Variants in RSPH3 observed in about 807,000 individuals in gnomAD.
RSPH3 encodes the protein radial spoke head protein 3 homolog.
In RSPH3, 21 loss-of-function variants were observed where a neutral mutation model predicts 43.8. That is an observed-to-expected ratio of 0.48 (90% CI 0.34 to 0.69). RSPH3 has a LOEUF of 0.69. Among genes scored for constraint, RSPH3 ranks in the 30% least tolerant of loss-of-function variants. The pLI is 0.01. For synonymous variants in RSPH3, 173 were observed against 179.8 expected, an observed-to-expected ratio of 0.96 and a Z score of 0.30; for missense variants, 487 against 516.0, an observed-to-expected ratio of 0.94 and a Z score of 0.54.
chr6:158,971,659 C>A (rs1777695312), downstream of RSPH3, among the ~76,000 whole-genome samples: 2 of 152,156 alleles, frequency 1.3e-5, no homozygotes, highest in Admixed American at 1.3e-4. Flanking sequence ...AATGAAATAG[C>A]CTAGTTGGTT....
chr6:158,985,787 A>G (rs1778211306), intron 3 of RSPH3, among the ~76,000 whole-genome samples: 2 of 149,848 alleles, frequency 1.3e-5, no homozygotes, highest in East Asian at 2.0e-4. Context: ...AATAGTATAT[A>G]GTCTATGTAT....
At chr6:158,965,370 G>C in the RSPH3 span, among the ~76,000 whole-genome samples, 1 of 152,022 alleles carries the variant, frequency 6.6e-6, no homozygotes, top group Non-Finnish European at 1.5e-5. Flanking sequence ...GATCACTCTG[G>C]GGAGTCCTGC....
At chr6:158,992,153 C>T (rs12202116) in intron 2 of RSPH3, among the ~76,000 whole-genome samples, 19,876 of 149,696 alleles carry the variant, frequency 0.13, 2,013 homozygotes, top group East Asian at 0.42. Context: ...TTCTCTCTAA[C>T]GTGGATTTGA....
At chr6:158,993,733 T>C in intron 2 of RSPH3, 106 bp downstream of exon 2, 1 of 605,178 alleles carries the variant, frequency 1.7e-6, no homozygotes, top group Non-Finnish European at 2.9e-6. Flanking sequence ...ATCTTTATTT[T>C]ATGAATGTTT....
chr6:158,991,757 C>T (rs1426737728), intron 2 of RSPH3, among the ~76,000 whole-genome samples: 2 of 152,278 alleles, frequency 1.3e-5, no homozygotes, highest in Non-Finnish European at 1.5e-5. Flanking sequence ...CCTGGAGGTT[C>T]TAATGCAGGA....
chr6:158,997,602 CTT>C (rs1778638666), intron 1 of RSPH3, among the ~76,000 whole-genome samples: 1 of 152,024 alleles, frequency 6.6e-6, no homozygotes, highest in African/African-American at 2.4e-5. Context: ...ATTTTTCTGT[CTT>C]GTGCATTACT....
chr6:158,978,401 T>C, intron 6 of RSPH3, 55 bp from the exon 7 acceptor site: 1 of 865,082 alleles, frequency 1.2e-6, no homozygotes, highest in South Asian at 1.4e-5. Flanking sequence ...TAATGCGCTT[T>C]TCTCTTAATG....
At chr6:158,986,096 G>T (rs79827641) in intron 3 of RSPH3, among the ~76,000 whole-genome samples, 184 bp downstream of exon 3, 2,712 of 152,236 alleles carry the variant, frequency 0.018, 34 homozygotes, top group Middle Eastern at 0.024. Flanking sequence ...GATTACAGGC[G>T]TGAGCCAGCA....
At chr6:158,999,284 G>GTTCTGCT (rs1221211205) in intron 1 of RSPH3, 151 bp downstream of exon 1, 1 of 657,224 alleles carries the variant, frequency 1.5e-6, no homozygotes, top group Admixed American at 3.7e-5. Context: ...CCACACCACG[G>GTTCTGCT]GAGATTCCTT....
At position 158,989,684 on chromosome 6, in the gene RSPH3, A is replaced by G. The variant is rs1583718154; in HGVS notation, c.205-3263T>C. On this transcript the variant is annotated intron_variant, in intron 2 of 7. Transcript: ENST00000367069. The surrounding 1 kb of genome is among the most constrained non-coding windows in gnomAD (Gnocchi z 4.3). Reference sequence around the variant, plus strand: ...GGGGTATTTCTCTCTTCAGGAACTCATGATGCTTCTGGTGGGTTGAATTTC... The same window carrying G: ...GGGGTATTTCTCTCTTCAGGAACTCGTGATGCTTCTGGTGGGTTGAATTTC... 6.6e-6 allele frequency among the ~76,000 whole-genome samples: 1 copy of G among 152,140 alleles called. No homozygotes were observed. The highest frequency in any genetic ancestry group is 1.5e-5 in the Non-Finnish European group (1 of 68,030).
At chr6:158,986,165 G>T in intron 3 of RSPH3, 115 bp downstream of exon 3, 1 of 971,330 alleles carries the variant, frequency 1.0e-6, no homozygotes, top group Non-Finnish European at 1.5e-6. Context: ...TGTGATCGGG[G>T]AAGTATCAGA....
At chr6:158,985,815 T>C in intron 3 of RSPH3, among the ~76,000 whole-genome samples, 1 of 133,066 alleles carries the variant, frequency 7.5e-6, no homozygotes, top group Admixed American at 7.3e-5. Flanking sequence ...TCTCTCTCTC[T>C]CTTTTTTTTT....
chr6:158,981,006 G>T, intron 5 of RSPH3, 70 bp from the exon 6 acceptor site: 1 of 1,473,866 alleles, frequency 6.8e-7, no homozygotes, highest in East Asian at 2.3e-5. Context: ...AGTGAAGTTA[G>T]TAAGTACAAG....
rs1411376316 is a variant in RSPH3, at chr6:158,992,981, A to AAGTG, written c.204+854_204+857dup. Among the ~76,000 whole-genome samples, 14 of 152,350 alleles carry AAGTG rather than the reference A, an allele frequency of 9.2e-5. No individual in the cohort carries two copies. In the East Asian group the frequency reaches 2.3e-3, roughly 25 times the overall value. ...CTAAACAAATCTAGATGCAATAGACAAGTGCCACTCAAAATGTGGGCCTCT... is the reference window on the plus strand; with the variant it reads ...CTAAACAAATCTAGATGCAATAGACAAGTGAGTGCCACTCAAAATGTGGGCCTCT... On this transcript the variant is annotated intron_variant, in intron 2 of 7. Coordinates refer to ENST00000367069, the MANE Select transcript of RSPH3 (RefSeq NM_031924.8).
At chr6:158,984,434 T>A (rs867088426) in intron 3 of RSPH3, among the ~76,000 whole-genome samples, 33 of 63,642 alleles carry the variant, frequency 5.2e-4, no homozygotes, top group African/African-American at 2.6e-3. Context: ...AAAAAGTCAA[T>A]TATATATATA....
chr6:158,963,569 C>A, the RSPH3 span, among the ~76,000 whole-genome samples: 1 of 126,344 alleles, frequency 7.9e-6, no homozygotes, highest in African/African-American at 2.9e-5. Context: ...TTCTTTCTTT[C>A]TTTTTCCCTT....
intron 2 of RSPH3, among the ~76,000 whole-genome samples, chr6:158,987,636 T>C (rs986969229): frequency 2.0e-5 from 3 of 152,306 alleles, no homozygotes; most frequent in South Asian, 2.1e-4. Context: ...GATTTTTGCA[T>C]TGTGGTTACC....
chr6:158,984,540 A>G (rs993969443), intron 3 of RSPH3, among the ~76,000 whole-genome samples: 1 of 148,362 alleles, frequency 6.7e-6, no homozygotes, highest in East Asian at 2.0e-4. Context: ...AAAATCATGT[A>G]CCAAGTCACC....
intron 3 of RSPH3, among the ~76,000 whole-genome samples, chr6:158,986,015 C>T (rs1368928682): frequency 6.6e-6 from 1 of 151,830 alleles, no homozygotes; most frequent in Non-Finnish European, 1.5e-5. Flanking sequence ...GGTATTTCAC[C>T]ACATTGGCCA....
Sources: gnomAD v4.1 joint callset for allele counts (sites outside exome capture counted in the v4.1 genomes callset) on GRCh38, gnomAD v4.1.1 for gene constraint, Gnocchi (gnomAD v3.1) non-coding constraint, MANE v1.5 for transcripts, NCBI Gene and HGNC (gene_info 2026-07-23, HGNC 2026-07-21) for gene names.